The following UGP2 variants were observed in gnomAD, a reference collection of about 807,000 sequenced individuals.
UGP2 encodes UTP--glucose-1-phosphate uridylyltransferase.
A neutral mutation model predicts 49.0 loss-of-function variants in UGP2; 40 were observed. That is an observed-to-expected ratio of 0.82 (90% confidence interval 0.63 to 1.06). The LOEUF is 1.06. Ranked by LOEUF, UGP2 falls within the 50% of genes least tolerant of loss-of-function variation. UGP2 has a pLI of 0.00. For synonymous variants in UGP2, 225 were observed against 213.0 expected (o/e 1.06, Z -0.49); for missense variants, 460 against 603.5 (o/e 0.76, Z 2.49).
chr2:63,870,215 C>T (rs1670460321), intron 3 of UGP2, among the ~76,000 whole-genome samples: 2 of 152,248 alleles, frequency 1.3e-5, no homozygotes, highest in African/African-American at 4.8e-5. Flanking sequence ...AGCCACCGTG[C>T]CCGCCCCTAA....
chr2:63,881,906 C>G (rs111745145), intron 3 of UGP2, among the ~76,000 whole-genome samples: 3 of 152,282 alleles, frequency 2.0e-5, no homozygotes, highest in African/African-American at 7.2e-5. Flanking sequence ...TTGTGCATAC[C>G]TAGAAGTTTG....
Position 63,884,082 on chromosome 2 carries a change from C to G in UGP2, c.564C>G (p.Phe188Leu). ...ATTGTCGTGTGAAAATCTACACTTT[C>G]AATCAAAGCAGGTACAATGAGTAAA... The part of the protein sequence containing the change: ...YNHCRVKIYT[F>L]NQSRYPRINK... The change falls in exon 5 of 10, where the codon TTC becomes TTG. Residue 188 changes from phenylalanine (F) to leucine (L), a missense_variant. Physicochemically the swap from Phe to Leu is conservative, Grantham distance 22 (BLOSUM62 0). Around this residue, in one of 2 missense-constraint regions of UGP2, gnomAD observed 317 missense variants for 473.0 expected, o/e 0.67. Coordinates refer to ENST00000337130, the MANE Select transcript of UGP2 (RefSeq NM_006759.4). The G allele has an allele frequency of 6.2e-7, 1 of 1,612,504 alleles. No homozygotes were observed. Among genetic ancestry groups the G allele is most frequent in the Non-Finnish European group, 8.5e-7 (1 of 1,179,686 alleles).
intron 5 of UGP2, among the ~76,000 whole-genome samples, chr2:63,884,993 C>CTTTTTTTTTTTTTTGTTTTTTTT (rs1671566142): frequency 4.3e-5 from 1 of 23,148 alleles, no homozygotes; most frequent in Non-Finnish European, 7.6e-5. Flanking sequence ...CCCATGGTTA[C>CTTTTTTTTTTTTTTGTTTTTTTT]TTTTTTTTTT....
At chr2:63,879,853 T>G (rs1480005197) in intron 3 of UGP2, among the ~76,000 whole-genome samples, 1 of 152,192 alleles carries the variant, frequency 6.6e-6, no homozygotes, top group East Asian at 1.9e-4. Context: ...TTTTTTAAAG[T>G]GTAGTCAAAA....
At chr2:63,880,948 A>T (rs1265042712) in intron 3 of UGP2, among the ~76,000 whole-genome samples, 2 of 152,194 alleles carry the variant, frequency 1.3e-5, no homozygotes, top group Non-Finnish European at 2.9e-5. Flanking sequence ...TGGTTCATGA[A>T]TATGAATGGC....
chr2:63,871,954 G>A (rs1670584422), intron 3 of UGP2, among the ~76,000 whole-genome samples: 1 of 152,206 alleles, frequency 6.6e-6, no homozygotes, highest in South Asian at 2.1e-4. Context: ...AAATATTTTA[G>A]GTTTTATAGG....
chr2:63,860,135 T>TA lies in UGP2; in HGVS notation c.255+2199_255+2200insA, dbSNP rs1669733002. ...TTTAAAAGTGAACATAGGTCTTTTT[T>TA]TAAAAAAAATGCAAATAATATTTTA... is the stretch of plus-strand genomic sequence containing the variant. On this transcript the variant is annotated intron_variant, in intron 3 of 9. Coordinates refer to ENST00000337130, the MANE Select transcript of UGP2 (RefSeq NM_006759.4). Among the ~76,000 whole-genome samples the TA allele has an allele frequency of 3.3e-5, 5 of 152,010 alleles. 1 individual carries two copies. Among genetic ancestry groups the TA allele is most frequent in the South Asian group, 4.1e-4 (2 of 4,826 alleles).
Position 63,891,302 on chromosome 2 carries a change from G to A in UGP2, c.*75G>A. Reference sequence around the variant, plus strand: ...AAATGTTCTCTAGGATTCTAAAATAGGCAGGTACTTTACTATGTTACTGTA... The same window carrying A: ...AAATGTTCTCTAGGATTCTAAAATAAGCAGGTACTTTACTATGTTACTGTA... On this transcript the variant is annotated 3_prime_UTR_variant, in exon 10 of 10. Coordinates refer to ENST00000337130, the MANE Select transcript of UGP2 (RefSeq NM_006759.4). 1 of 1,293,812 alleles carries A rather than the reference G, an allele frequency of 7.7e-7. No homozygotes were observed. The highest frequency in any genetic ancestry group is 1.1e-6 in the Non-Finnish European group (1 of 907,438). 80.1% of individuals were successfully genotyped at this position (1,293,812 alleles called of 1,614,324 possible). A position where few individuals can be genotyped will look rare whatever the true frequency, so the allele number is the denominator to read the frequency against.
intron 3 of UGP2, among the ~76,000 whole-genome samples, chr2:63,868,921 C>T (rs971198977): frequency 2.0e-5 from 3 of 151,664 alleles, no homozygotes; most frequent in African/African-American, 4.8e-5. Flanking sequence ...GCTGAGATCA[C>T]GCCATCGCAC....
intron 1 of UGP2, among the ~76,000 whole-genome samples, chr2:63,845,706 C>T (rs1201600352): frequency 1.3e-5 from 2 of 152,030 alleles, no homozygotes; most frequent in Non-Finnish European, 2.9e-5. Context: ...TCTGGCATAT[C>T]CCTTATGGTA....
chr2:63,842,048 A>T lies in UGP2; in HGVS notation c.-138A>T. 1.0e-6 allele frequency: 1 copy of T among 971,808 alleles called. No individual in the cohort carries two copies. Among genetic ancestry groups the T allele is most frequent in the Non-Finnish European group, 1.4e-6 (1 of 694,530 alleles). 60.2% of individuals were successfully genotyped at this position (971,808 alleles called of 1,614,324 possible). The stretch of plus-strand genomic sequence containing the variant: ...CCAGTTTTAATCGCTTTGAATAAAT[A>T]CTCCCTTAAGTAGTTAAATATAGGA... On this transcript the variant is annotated 5_prime_UTR_variant, in exon 1 of 10. Transcript: ENST00000337130.
At chr2:63,872,599 A>C (rs1199668669) in intron 3 of UGP2, among the ~76,000 whole-genome samples, 1 of 152,120 alleles carries the variant, frequency 6.6e-6, no homozygotes, top group East Asian at 1.9e-4. Context: ...GTTCTCTCTC[A>C]CTTACTATAT....
At chr2:63,890,552 C>A (rs1191765028) in intron 9 of UGP2, among the ~76,000 whole-genome samples, 5 of 152,090 alleles carry the variant, frequency 3.3e-5, no homozygotes, top group Non-Finnish European at 7.4e-5. Flanking sequence ...TTAAAGCTCA[C>A]CAAAGATACA....
chr2:63,844,296 AT>A (rs1400238190), intron 1 of UGP2, among the ~76,000 whole-genome samples: 5 of 152,204 alleles, frequency 3.3e-5, no homozygotes, highest in South Asian at 4.1e-4. Context: ...AGGGTTGGAA[AT>A]TTTGGTTTTG....
At chr2:63,887,154 C>T (rs1168934286) in intron 7 of UGP2, among the ~76,000 whole-genome samples, 2 of 151,888 alleles carry the variant, frequency 1.3e-5, no homozygotes, top group East Asian at 3.9e-4. Context: ...ATTCCAGCTA[C>T]TCGGGAAGCT....
chr2:63,853,694 C>G (rs546557802), intron 1 of UGP2, among the ~76,000 whole-genome samples: 1 of 152,110 alleles, frequency 6.6e-6, no homozygotes, highest in African/African-American at 2.4e-5. Flanking sequence ...TTATGTATCC[C>G]TCTTACTTGC....
intron 4 of UGP2, 151 bp from the exon 5 acceptor site, chr2:63,883,809 G>A (rs1015770110): frequency 1.7e-5 from 15 of 860,754 alleles, no homozygotes; most frequent in Non-Finnish European, 2.0e-5. Flanking sequence ...TGTCTGGCTC[G>A]TGCTGAGCAG....
chr2:63,875,935 A>G (rs1278636705), intron 3 of UGP2, among the ~76,000 whole-genome samples: 3 of 152,164 alleles, frequency 2.0e-5, no homozygotes, highest in Non-Finnish European at 2.9e-5. Flanking sequence ...TCAGAGTAAC[A>G]TTGAGGCTGT....
intron 3 of UGP2, among the ~76,000 whole-genome samples, chr2:63,868,866 T>C (rs1202701119): frequency 6.6e-6 from 1 of 151,482 alleles, no homozygotes; most frequent in Non-Finnish European, 1.5e-5. Context: ...CCCAGCTACT[T>C]GGGAGGCTGA....
Sources: gnomAD v4.1 joint callset for allele counts (sites outside exome capture counted in the v4.1 genomes callset) on GRCh38, gnomAD v4.1.1 for gene constraint, gnomAD v4.1.1 regional missense constraint, MANE v1.5 for transcripts, NCBI Gene and HGNC (gene_info 2026-07-23, HGNC 2026-07-21) for gene names.